The following LAMC3 variants were observed in gnomAD, a reference collection of about 807,000 sequenced individuals.
LAMC3 encodes laminin subunit gamma-3.
Under a neutral mutation model 173.8 loss-of-function variants are expected in LAMC3, and 128 were observed. The observed-to-expected ratio is 0.74, with a 90% CI of 0.64 to 0.85. The LOEUF (loss-of-function observed/expected upper bound fraction) is 0.85, where lower values mean the gene tolerates loss of function less well. Among genes scored for constraint, LAMC3 ranks in the 40% least tolerant of loss-of-function variants. The probability of loss-of-function intolerance (pLI) is 0.00; values close to 1 mark genes in which losing one functional copy is unlikely to be tolerated. For synonymous variants in LAMC3, 897 were observed against 909.1 expected, an observed-to-expected ratio of 0.99 and a Z score of 0.24; for missense variants, 2,022 against 2,156.0, an observed-to-expected ratio of 0.94 and a Z score of 1.23.
chr9:131,067,179 C>T lies in LAMC3; in HGVS notation c.2567C>T (p.Ala856Val), dbSNP rs1564383929. Reference protein sequence around the residue: ...CQEGFYGSALAPRPADKCMPC... With the variant: ...CQEGFYGSALVPRPADKCMPC... ...GAAGGCTTCTACGGGAGCGCCCTGGCCCCTCGACCCGCAGACAAATGCATG... is the reference window on the plus strand; with the variant it reads ...GAAGGCTTCTACGGGAGCGCCCTGGTCCCTCGACCCGCAGACAAATGCATG... Residue 856 changes from alanine (A) to valine (V), a missense_variant, in exon 14 of 28, where the codon GCC (alanine) becomes GTC (valine). Ala to Val is a moderately conservative substitution (Grantham distance 64). Coordinates refer to ENST00000361069, the MANE Select transcript of LAMC3 (RefSeq NM_006059.4). 3 of 1,614,066 alleles carry T rather than the reference C, an allele frequency of 1.9e-6. No individual in the cohort carries two copies. Among genetic ancestry groups the T allele is most frequent in the South Asian group, 1.1e-5 (1 of 91,086 alleles).
chr9:131,071,481 C>T lies in LAMC3; in HGVS notation c.3070-3C>T. The T allele has an allele frequency of 6.2e-7, 1 of 1,613,848 alleles. No homozygotes were observed. Among genetic ancestry groups the T allele is most frequent in the Non-Finnish European group, 8.5e-7 (1 of 1,179,930 alleles). ...ATACACCTTTTCTTCCTGTCCTCTC[C>T]AGGCAGCCAAGCTGAAGGCCAGACT... On this transcript the variant is annotated splice_region_variant and splice_polypyrimidine_tract_variant and intron_variant, in intron 17 of 27. Coordinates refer to ENST00000361069, the MANE Select transcript of LAMC3 (RefSeq NM_006059.4).
intron 7 of LAMC3, among the ~76,000 whole-genome samples, chr9:131,044,583 G>A (rs1183990408): frequency 6.6e-6 from 1 of 152,198 alleles, no homozygotes; most frequent in Non-Finnish European, 1.5e-5. Context: ...CTGGACCGTG[G>A]TGATTGCACA....
intron 16 of LAMC3, 54 bp from the exon 17 acceptor site, chr9:131,069,618 C>T (rs1401079289): frequency 1.9e-6 from 3 of 1,548,400 alleles, no homozygotes; most frequent in African/African-American, 1.4e-5. Context: ...AAACCCAGCA[C>T]GCACTGCCCC....
At chr9:131,063,947 C>G (rs1829877997) in intron 13 of LAMC3, among the ~76,000 whole-genome samples, 2 of 152,080 alleles carry the variant, frequency 1.3e-5, no homozygotes, top group Admixed American at 1.3e-4. Flanking sequence ...TCACTCTGTC[C>G]CCCAGGCTGG....
chr9:131,016,431 A>T (rs778267762), intron 1 of LAMC3, among the ~76,000 whole-genome samples: 57 of 152,342 alleles, frequency 3.7e-4, no homozygotes, highest in Non-Finnish European at 7.6e-4. Context: ...GGAAAAGTAC[A>T]TGTCAGCCCC....
At position 131,052,499 on chromosome 9, in the gene LAMC3, C is replaced by T; in HGVS notation, c.1639C>T (p.Leu547=). ...EEELTAPEKF[L]GDQRFSYGQP... is the part of the protein sequence containing the mutation. ...TCTTCTCTTGTCTTCAGAGAAGTTC[C>T]TGGGAGACCAGCGGTTCAGCTATGG... Residue 547 remains leucine (L), a synonymous_variant, in exon 10 of 28, where the codon CTG becomes TTG. Transcript: ENST00000361069. 1 of 1,614,084 alleles carries T rather than the reference C, an allele frequency of 6.2e-7. No homozygotes were observed. The highest frequency in any genetic ancestry group is 8.5e-7 in the Non-Finnish European group (1 of 1,179,912).
At chr9:131,022,819 C>T (rs1261989688) in intron 1 of LAMC3, among the ~76,000 whole-genome samples, 4 of 152,150 alleles carry the variant, frequency 2.6e-5, no homozygotes, top group Admixed American at 2.6e-4. Context: ...CTCAAGCGAT[C>T]CTCCAGCCTC....
intron 8 of LAMC3, 130 bp downstream of exon 8, chr9:131,045,790 G>C: frequency 8.4e-7 from 1 of 1,189,136 alleles, no homozygotes; most frequent in South Asian, 1.3e-5. Flanking sequence ...GCACAGCCTA[G>C]GTGGGGTCGG....
At chr9:131,044,442 A>G (rs1052085974) in intron 7 of LAMC3, among the ~76,000 whole-genome samples, 2 of 152,126 alleles carry the variant, frequency 1.3e-5, no homozygotes, top group African/African-American at 4.8e-5. Context: ...CCCGGGAGAC[A>G]GAGGTTACAG....
At chr9:131,059,910 C>T (rs983107617) in intron 12 of LAMC3, among the ~76,000 whole-genome samples, 1 of 152,216 alleles carries the variant, frequency 6.6e-6, no homozygotes, top group Non-Finnish European at 1.5e-5. Context: ...TCTCACTCTT[C>T]CTCCCAGGTC....
chr9:131,087,879 C>T (rs997273156), intron 27 of LAMC3, 62 bp downstream of exon 27: 13 of 1,265,484 alleles, frequency 1.0e-5, no homozygotes, highest in Non-Finnish European at 1.5e-5. Flanking sequence ...CTAGGATCTT[C>T]CTGTGAGCTC....
At chr9:131,079,477 G>C (rs561925449) in intron 23 of LAMC3, among the ~76,000 whole-genome samples, 179 bp downstream of exon 23, 2 of 152,198 alleles carry the variant, frequency 1.3e-5, no homozygotes, top group African/African-American at 4.8e-5. Flanking sequence ...GGTGGATCAC[G>C]AGGTCAGGAG....
chr9:131,041,378 T>G (rs1257368687), intron 6 of LAMC3, among the ~76,000 whole-genome samples: 1 of 35,620 alleles, frequency 2.8e-5, no homozygotes. Context: ...AAAAAAAAGA[T>G]TCATGGATGA....
intron 25 of LAMC3, among the ~76,000 whole-genome samples, chr9:131,086,287 A>G (rs1340554343): frequency 6.6e-6 from 1 of 151,962 alleles, no homozygotes; most frequent in Non-Finnish European, 1.5e-5. Context: ...CATGTTGGCC[A>G]GGCTGGTCTC....
chr9:131,009,473 A>C lies in LAMC3; in HGVS notation c.259A>C (p.Asn87His). Residue 87 changes from asparagine (N) to histidine (H), a missense_variant, in exon 1 of 28, where the codon AAC becomes CAC. Asn to His is a moderately conservative substitution (Grantham distance 68). Transcript: ENST00000361069. This position sits in a 1 kb window ranked among gnomAD's most constrained non-coding sequence, Gnocchi z 4.3. ...CGCCGCCGACCCCCAGCGCCACCACAACGCCTCCTACCTCACCGACTTCCA... is the reference window on the plus strand; with the variant it reads ...CGCCGCCGACCCCCAGCGCCACCACCACGCCTCCTACCTCACCGACTTCCA... ...CDAADPQRHH[N>H]ASYLTDFHSQ... The C allele has an allele frequency of 6.5e-7, 1 of 1,549,088 alleles. No individual in the cohort carries two copies. The highest frequency in any genetic ancestry group is 1.4e-5 in the African/African-American group (1 of 73,072).
chr9:131,041,505 A>C, intron 6 of LAMC3, 132 bp from the exon 7 acceptor site: 1 of 793,996 alleles, frequency 1.3e-6, no homozygotes, highest in Non-Finnish European at 2.1e-6. Context: ...GGGAACAGTA[A>C]AGCCAGGTCA....
intron 1 of LAMC3, among the ~76,000 whole-genome samples, chr9:131,020,626 A>G (rs2133216502): frequency 6.6e-6 from 1 of 152,312 alleles, no homozygotes; most frequent in African/African-American, 2.4e-5. Context: ...CATGTTTGCA[A>G]AGAGAGGTGG....
rs1169080361 is a variant in LAMC3 at position 131,057,097 on chromosome 9, G to A, written c.2108G>A (p.Ser703Asn). 6.2e-7 allele frequency: 1 copy of A among 1,614,066 alleles called. No homozygotes were observed. The highest frequency in any genetic ancestry group is 8.5e-7 in the Non-Finnish European group (1 of 1,180,040). ...REMPQGGPYASCVPCTCNQHG... is the reference protein window; with the variant it reads ...REMPQGGPYANCVPCTCNQHG... ...ATGCCACAGGGGGGTCCCTATGCCA[G>A]CTGTGTCCCCTGCACCTGTAACCAG... is the stretch of plus-strand genomic sequence containing the variant. Residue 703 changes from serine (S) to asparagine (N), a missense_variant, in exon 12 of 28, where the codon AGC becomes AAC. By Grantham distance (46) the Ser-to-Asn change is conservative. Transcript: ENST00000361069.
chr9:131,021,001 A>G (rs1332550593), intron 1 of LAMC3, among the ~76,000 whole-genome samples: 2 of 151,908 alleles, frequency 1.3e-5, no homozygotes, highest in African/African-American at 2.4e-5. Context: ...AATTAGTTTT[A>G]ACCTTTAAGC....
Sources: gnomAD v4.1 joint callset for allele counts (sites outside exome capture counted in the v4.1 genomes callset) on GRCh38, gnomAD v4.1.1 for gene constraint, Gnocchi (gnomAD v3.1) non-coding constraint, MANE v1.5 for transcripts, NCBI Gene and HGNC (gene_info 2026-07-23, HGNC 2026-07-21) for gene names.